Variants in WASF3 observed in about 807,000 individuals in gnomAD.
WASF3 encodes WASP family member 3.
WASF3 carries 11 observed loss-of-function variants against 46.6 expected under a neutral mutation model. The observed-to-expected ratio is 0.24, with a 90% confidence interval of 0.15 to 0.39. WASF3 has a LOEUF of 0.39. Ranked by LOEUF, WASF3 falls within the 10% of genes least tolerant of loss-of-function variation. The pLI is 1.00. For missense variants in WASF3, 576 were observed against 669.8 expected (o/e 0.86, Z 1.55); for synonymous variants, 242 against 259.7 (o/e 0.93, Z 0.65).
chr13:26,679,644 A>G lies in WASF3; in HGVS notation c.717-1410A>G, dbSNP rs1412869788. Among the ~76,000 whole-genome samples the G allele has an allele frequency of 6.6e-6, 1 of 152,240 alleles. No homozygotes were observed. The highest frequency in any genetic ancestry group is 1.5e-5 in the Non-Finnish European group (1 of 68,038). On this transcript the variant is annotated intron_variant, in intron 7 of 9. Coordinates refer to ENST00000335327, the MANE Select transcript of WASF3 (RefSeq NM_006646.6). The surrounding 1 kb of genome is among the most constrained non-coding windows in gnomAD (Gnocchi z 4.8). ...CTCGTAGTCATGCGCAGAGTCAAGC[A>G]CACATCATCAGTGTCTCCAAGGGTT... is the stretch of plus-strand genomic sequence containing the variant.
chr13:26,557,147 C>T (rs1468955767), upstream of WASF3, among the ~76,000 whole-genome samples: 1 of 152,152 alleles, frequency 6.6e-6, no homozygotes, highest in Non-Finnish European at 1.5e-5. Flanking sequence ...GTGATAAAAA[C>T]AGAAGAATCT....
chr13:26,614,528 G>C (rs1168105965), intron 2 of WASF3, among the ~76,000 whole-genome samples: 3 of 152,172 alleles, frequency 2.0e-5, no homozygotes, highest in Admixed American at 2.0e-4. Context: ...AATTTATAGT[G>C]TTAAATGCTT....
intron 1 of WASF3, chr13:26,577,007 TA>T (rs1230520617): frequency 1.4e-6 from 1 of 714,000 alleles, no homozygotes; most frequent in African/African-American, 1.7e-5. Flanking sequence ...GTGTTCAATA[TA>T]AGGAATATTG....
intron 1 of WASF3, among the ~76,000 whole-genome samples, chr13:26,573,538 G>A (rs569836578): frequency 6.6e-6 from 1 of 152,136 alleles, no homozygotes; most frequent in East Asian, 1.9e-4. Context: ...GGACTCTGAT[G>A]TATAGGTTCT....
Position 26,687,709 on chromosome 13 carries a change from T to G in WASF3, c.*1864T>G, listed in dbSNP as rs1883450706. On this transcript the variant is annotated 3_prime_UTR_variant, in exon 10 of 10. Coordinates refer to ENST00000335327, the MANE Select transcript of WASF3 (RefSeq NM_006646.6). ...ATTAATGAACTTCTAAATTTCTAATTTCTCTCTCTCTCTCTTTTTTTTTTT... is the reference window on the plus strand; with the variant it reads ...ATTAATGAACTTCTAAATTTCTAATGTCTCTCTCTCTCTCTTTTTTTTTTT... 7.1e-6 allele frequency: 1 copy of G among 140,468 alleles called. No homozygotes were observed. The highest frequency in any genetic ancestry group is 1.5e-5 in the Non-Finnish European group (1 of 64,980). 8.7% of individuals were successfully genotyped at this position (140,468 alleles called of 1,614,324 possible). A position where few individuals can be genotyped will look rare whatever the true frequency, so the allele number is the denominator to read the frequency against.
intron 3 of WASF3, among the ~76,000 whole-genome samples, chr13:26,657,543 A>G (rs1319409623): frequency 6.6e-6 from 1 of 152,228 alleles, no homozygotes; most frequent in Non-Finnish European, 1.5e-5. Flanking sequence ...AAGACTTACA[A>G]ATAAAGCTAA....
At chr13:26,673,546 A>G (rs1566071116) in intron 6 of WASF3, among the ~76,000 whole-genome samples, 2 of 152,318 alleles carry the variant, frequency 1.3e-5, no homozygotes, top group South Asian at 4.1e-4. Context: ...CAAAATGTTC[A>G]TATAGGTCCG....
At chr13:26,608,523 A>T (rs1880872555) in intron 1 of WASF3, among the ~76,000 whole-genome samples, 2 of 151,762 alleles carry the variant, frequency 1.3e-5, no homozygotes, top group African/African-American at 4.8e-5. Flanking sequence ...ATGTTTGTTT[A>T]CTCTTCCCCA....
intron 3 of WASF3, among the ~76,000 whole-genome samples, chr13:26,648,186 A>G (rs1882207678): frequency 6.6e-6 from 1 of 152,186 alleles, no homozygotes; most frequent in Admixed American, 6.5e-5. Context: ...GAGCAGGGAT[A>G]GTCGTCATAA....
the WASF3 span, among the ~76,000 whole-genome samples, chr13:26,539,148 G>A: frequency 6.6e-6 from 1 of 152,200 alleles, no homozygotes; most frequent in Non-Finnish European, 1.5e-5. Flanking sequence ...TCTGGGGATA[G>A]TGGCTTGCTG....
chr13:26,573,308 A>G (rs1241949088), intron 1 of WASF3, among the ~76,000 whole-genome samples: 3 of 151,868 alleles, frequency 2.0e-5, no homozygotes, highest in South Asian at 4.2e-4. Context: ...TCTTTTTTGT[A>G]TTTGTGCATT....
chr13:26,612,516 A>G (rs568016581), intron 1 of WASF3, among the ~76,000 whole-genome samples: 1 of 152,362 alleles, frequency 6.6e-6, no homozygotes, highest in East Asian at 1.9e-4. Flanking sequence ...AATGATCTCC[A>G]AGACTTTTAT....
intron 3 of WASF3, among the ~76,000 whole-genome samples, chr13:26,643,044 T>G (rs894909608): frequency 7.9e-5 from 12 of 152,262 alleles, no homozygotes; most frequent in Non-Finnish European, 7.3e-5. Context: ...AAAGGCTGCT[T>G]CTTATTCTCA....
intron 1 of WASF3, among the ~76,000 whole-genome samples, chr13:26,564,103 G>A (rs768807305): frequency 5.3e-5 from 8 of 152,084 alleles, no homozygotes; most frequent in Non-Finnish European, 7.4e-5. Context: ...ACACATGTTT[G>A]TATGCCAACT....
chr13:26,670,777 G>T (rs1005652684), intron 5 of WASF3, among the ~76,000 whole-genome samples: 19 of 152,184 alleles, frequency 1.2e-4, no homozygotes, highest in African/African-American at 4.3e-4. Flanking sequence ...GACATTAATA[G>T]TCAAAGGTTA....
In WASF3 at chr13:26,642,458, A is replaced by G. The variant is rs186077917; in HGVS notation, c.133+55A>G. 2.6e-6 allele frequency: 4 copies of G among 1,530,704 alleles called. No homozygotes were observed. The East Asian group carries it at 7.0e-5, about 27-fold the overall frequency. 94.8% of individuals were successfully genotyped at this position (1,530,704 alleles called of 1,614,324 possible). A position where few individuals can be genotyped will look rare whatever the true frequency, so the allele number is the denominator to read the frequency against. ...ACATTAACTTTTTGTTAGCAAATTGATTTTAATAGTTAAATGATTGTCCAA... is the reference window on the plus strand; with the variant it reads ...ACATTAACTTTTTGTTAGCAAATTGGTTTTAATAGTTAAATGATTGTCCAA... On this transcript the variant is annotated intron_variant, in intron 3 of 9. Coordinates refer to ENST00000335327, the MANE Select transcript of WASF3 (RefSeq NM_006646.6).
At chr13:26,584,084 C>T (rs1391164330) in intron 1 of WASF3, among the ~76,000 whole-genome samples, 1 of 152,192 alleles carries the variant, frequency 6.6e-6, no homozygotes, top group East Asian at 1.9e-4. Flanking sequence ...ATTGGTTTTG[C>T]AGGATTATGG....
chr13:26,643,056 T>C (rs1211622099), intron 3 of WASF3, among the ~76,000 whole-genome samples: 1 of 152,224 alleles, frequency 6.6e-6, no homozygotes, highest in Non-Finnish European at 1.5e-5. Flanking sequence ...TTATTCTCAT[T>C]TTGAATATTA....
At chr13:26,680,013 G>T in intron 7 of WASF3, 1 of 1,591,610 alleles carries the variant, frequency 6.3e-7, no homozygotes, top group Middle Eastern at 1.7e-4. Flanking sequence ...CACCCCCAAT[G>T]TGTGTTTGGT....
Sources: gnomAD v4.1 joint callset for allele counts (sites outside exome capture counted in the v4.1 genomes callset) on GRCh38, gnomAD v4.1.1 for gene constraint, Gnocchi (gnomAD v3.1) non-coding constraint, MANE v1.5 for transcripts, NCBI Gene and HGNC (gene_info 2026-07-23, HGNC 2026-07-21) for gene names.